Variants in SHB observed in about 807,000 individuals in gnomAD.
SHB encodes the protein SH2 domain-containing adapter protein B.
In SHB, 20 loss-of-function variants were observed where a neutral mutation model predicts 52.3. The observed-to-expected ratio is 0.38, with a 90% CI of 0.27 to 0.56. The LOEUF (loss-of-function observed/expected upper bound fraction) is 0.56. Among genes scored for constraint, SHB ranks in the 20% least tolerant of loss-of-function variants. SHB has a pLI of 0.71. For synonymous variants in SHB, 397 were observed against 316.5 expected, an observed-to-expected ratio of 1.25 and a Z score of -2.70; for missense variants, 825 against 723.3, an observed-to-expected ratio of 1.14 and a Z score of -1.61.
At chr9:37,967,056 G>A (rs988311099) in intron 3 of SHB, among the ~76,000 whole-genome samples, 3 of 152,192 alleles carry the variant, frequency 2.0e-5, no homozygotes, top group African/African-American at 7.2e-5. Flanking sequence ...TGTGCAGTCA[G>A]ACTGGCCCAA....
chr9:37,935,351 G>A (rs551710105), intron 5 of SHB, among the ~76,000 whole-genome samples: 5 of 152,228 alleles, frequency 3.3e-5, no homozygotes, highest in South Asian at 2.1e-4. Flanking sequence ...TTCTCCCTGC[G>A]AGGTTGTGTT....
At chr9:37,976,678 T>G (rs1044613641) in intron 2 of SHB, among the ~76,000 whole-genome samples, 1 of 152,224 alleles carries the variant, frequency 6.6e-6, no homozygotes, top group South Asian at 2.1e-4. Context: ...CCGTCCATGT[T>G]GGCTGGAGTA....
intron 3 of SHB, among the ~76,000 whole-genome samples, chr9:37,957,680 G>A (rs562711503): frequency 6.6e-6 from 1 of 152,232 alleles, no homozygotes; most frequent in East Asian, 1.9e-4. Flanking sequence ...GGAAAATAGT[G>A]ATGGGCACAA....
At chr9:37,984,995 T>TC (rs1820786943) in intron 2 of SHB, among the ~76,000 whole-genome samples, 1 of 152,172 alleles carries the variant, frequency 6.6e-6, no homozygotes, top group African/African-American at 2.4e-5. Context: ...CCCCACCTCC[T>TC]CCTCATCTAT....
chr9:38,030,940 C>T (rs1037679637), intron 1 of SHB, among the ~76,000 whole-genome samples: 2 of 145,358 alleles, frequency 1.4e-5, no homozygotes, highest in South Asian at 4.3e-4. Flanking sequence ...GACTACTATA[C>T]AAAAAAATTA....
chr9:38,063,795 G>A (rs866080000), intron 1 of SHB, among the ~76,000 whole-genome samples: 1 of 129,882 alleles, frequency 7.7e-6, no homozygotes, highest in Non-Finnish European at 1.7e-5. Flanking sequence ...TTTGCTGGAT[G>A]TTTTTTTTTT....
intron 2 of SHB, among the ~76,000 whole-genome samples, chr9:38,003,658 T>C (rs1029305805): frequency 1.3e-5 from 2 of 152,148 alleles, no homozygotes; most frequent in Non-Finnish European, 2.9e-5. Flanking sequence ...GACAGGAGCA[T>C]GGGGCCGGGC....
At chr9:38,040,860 G>T (rs180977751) in intron 1 of SHB, among the ~76,000 whole-genome samples, 1 of 152,110 alleles carries the variant, frequency 6.6e-6, no homozygotes, top group East Asian at 1.9e-4. Flanking sequence ...TTGGAGCAGA[G>T]GTGTGATGTG....
intron 5 of SHB, among the ~76,000 whole-genome samples, chr9:37,935,200 T>C (rs1351616146): frequency 1.3e-5 from 2 of 152,206 alleles, no homozygotes; most frequent in African/African-American, 4.8e-5. Flanking sequence ...TTACCATCGA[T>C]GTGTCAGAAT....
intron 2 of SHB, among the ~76,000 whole-genome samples, chr9:37,996,350 C>T (rs1298588105): frequency 6.6e-6 from 1 of 152,226 alleles, no homozygotes; most frequent in Non-Finnish European, 1.5e-5. Flanking sequence ...TTGAAGCCTG[C>T]TCAACAGGGA....
At chr9:38,061,013 A>T (rs1362665151) in intron 1 of SHB, among the ~76,000 whole-genome samples, 1 of 152,146 alleles carries the variant, frequency 6.6e-6, no homozygotes, top group Non-Finnish European at 1.5e-5. Context: ...GAAGTCAGAG[A>T]CGACCACCAC....
rs1001633946 is a variant in SHB, at chr9:37,917,736, C to T, written c.*2085G>A. Among the ~76,000 whole-genome samples the T allele has an allele frequency of 6.6e-6, 1 of 152,242 alleles. No individual in the cohort carries two copies. The highest frequency in any genetic ancestry group is 6.5e-5 in the Admixed American group (1 of 15,292). ...GTTCCAGGGTGTCCCTGCCTTCCTC[C>T]CTCATTGAGGGATGTTTTAGGAAAT... On this transcript the variant is annotated 3_prime_UTR_variant, in exon 6 of 6. Transcript: ENST00000377707.
intron 5 of SHB, among the ~76,000 whole-genome samples, chr9:37,937,723 T>A (rs939676446): frequency 6.6e-6 from 1 of 152,228 alleles, no homozygotes; most frequent in Non-Finnish European, 1.5e-5. Context: ...GACATCTGAT[T>A]TTATAAATCT....
At chr9:38,063,274 G>A (rs1006678285) in intron 1 of SHB, among the ~76,000 whole-genome samples, 7 of 152,282 alleles carry the variant, frequency 4.6e-5, no homozygotes, top group South Asian at 4.1e-4. Context: ...GTTTGACCCC[G>A]GCTTCAATCA....
chr9:37,940,800 G>A (rs922965221), intron 5 of SHB, among the ~76,000 whole-genome samples: 1 of 152,186 alleles, frequency 6.6e-6, no homozygotes, highest in Admixed American at 6.5e-5. Flanking sequence ...TCCTGGAGCT[G>A]CTACCTTGAC....
chr9:38,034,043 C>A (rs943727121), intron 1 of SHB, among the ~76,000 whole-genome samples: 1 of 152,190 alleles, frequency 6.6e-6, no homozygotes, highest in African/African-American at 2.4e-5. Context: ...ATATTAACCT[C>A]ATTCCTGGCC....
intron 5 of SHB, among the ~76,000 whole-genome samples, chr9:37,922,665 G>A (rs1832197435): frequency 6.6e-6 from 1 of 152,152 alleles, no homozygotes; most frequent in Admixed American, 6.5e-5. Context: ...ACCAGCACTT[G>A]GGCTCCATGA....
intron 2 of SHB, among the ~76,000 whole-genome samples, chr9:38,011,021 C>T (rs1285988783): frequency 6.6e-6 from 1 of 152,238 alleles, no homozygotes; most frequent in Non-Finnish European, 1.5e-5. Context: ...ATCAGGATCA[C>T]AGGCCCTATT....
At chr9:37,952,551 A>T (rs74955142) in intron 4 of SHB, among the ~76,000 whole-genome samples, 3,788 of 152,222 alleles carry the variant, frequency 0.025, 86 homozygotes, top group East Asian at 0.088. Context: ...AATCTTACAG[A>T]CAGTCAGTCA....
Sources: allele counts gnomAD v4.1 joint callset (sites outside exome capture counted in the v4.1 genomes callset), GRCh38; gene constraint gnomAD v4.1.1; transcripts MANE v1.5; gene names NCBI Gene and HGNC (gene_info 2026-07-23, HGNC 2026-07-21).